ACRBP: variants seen among roughly 807,000 people sequenced by gnomAD.
The protein encoded by ACRBP is acrosin binding protein.
Under a neutral mutation model 69.0 loss-of-function variants are expected in ACRBP, and 52 were observed. The ratio of observed to expected loss-of-function variants is 0.75; its 90% CI spans 0.60 to 0.95. The LOEUF is 0.95. Among genes scored for constraint, ACRBP ranks in the 40% least tolerant of loss-of-function variants. The pLI, the probability that ACRBP is intolerant of heterozygous loss-of-function variation, is 0.00. For synonymous variants in ACRBP, 267 were observed against 258.9 expected (o/e 1.03, Z -0.30); for missense variants, 604 against 673.0 (o/e 0.90, Z 1.13).
intron 4 of ACRBP, 31 bp from the exon 5 acceptor site, chr12:6,644,636 G>A (rs1949075522): frequency 6.4e-7 from 1 of 1,573,678 alleles, no homozygotes; most frequent in Non-Finnish European, 8.6e-7. Flanking sequence ...AAGGGAGAGA[G>A]ACAGTCAGGC....
In ACRBP at chr12:6,644,539, T is replaced by C. The variant is rs113186788; in HGVS notation, c.542A>G (p.Gln181Arg). 2.2e-5 allele frequency: 36 copies of C among 1,614,078 alleles called. No individual in the cohort carries two copies. The African/African-American group carries it at 2.9e-4, about 13-fold the overall frequency. Residue 181 changes from glutamine (Q) to arginine (R), a missense_variant, in exon 5 of 10, where the codon CAA becomes CGA. This residue lies in a region of ACRBP where 532 missense variants were observed against 562.9 expected (regional missense o/e 0.95). Transcript: ENST00000229243. ...RLSNNVEELL[Q>R]SSLSLGGQEQ... ...CTGGCCTCCCAGGGACAAGGAGGAT[T>C]GTAGGAGCTCTTCCACGTTGTTGCT...
chr12:6,638,312 G>A lies in ACRBP; in HGVS notation c.1602C>T (p.Phe534=), dbSNP rs202127738. 3.7e-6 allele frequency: 6 copies of A among 1,614,156 alleles called. No individual in the cohort carries two copies. In the East Asian group the frequency reaches 1.1e-4, roughly 30 times the overall value. The part of the protein sequence containing the change: ...EDVVLRWSQE[F]STLTLGQFG Reference sequence around the variant, plus strand: ...CGAACTGGCCTAGAGTCAAGGTGCTGAACTCCTGGCTCCATCGAAGCACAA... The same window carrying A: ...CGAACTGGCCTAGAGTCAAGGTGCTAAACTCCTGGCTCCATCGAAGCACAA... Residue 534 remains phenylalanine, a synonymous_variant, in exon 10 of 10, where the codon TTC becomes TTT. Coordinates refer to ENST00000229243, the MANE Select transcript of ACRBP (RefSeq NM_032489.3).
intron 6 of ACRBP, among the ~76,000 whole-genome samples, chr12:6,643,126 A>G (rs1386242886): frequency 6.6e-6 from 1 of 152,098 alleles, no homozygotes; most frequent in Non-Finnish European, 1.5e-5. Context: ...ATGGTGACAC[A>G]TGCCTATAGT....
In ACRBP at chr12:6,640,575, T is replaced by A; in HGVS notation, c.1078-53A>T. On this transcript the variant is annotated intron_variant, in intron 6 of 9. Transcript: ENST00000229243. This position sits in a 1 kb window ranked among gnomAD's most constrained non-coding sequence, Gnocchi z 5.3. Reference sequence around the variant, plus strand: ...AGCTGAGAGTCAGCGGCCTGCCTTCTCCCATGCCTCAGCCCTCCAGGGTGG... The same window carrying A: ...AGCTGAGAGTCAGCGGCCTGCCTTCACCCATGCCTCAGCCCTCCAGGGTGG... 1 of 1,574,300 alleles carries A rather than the reference T, an allele frequency of 6.4e-7. No homozygotes were observed. Among genetic ancestry groups the A allele is most frequent in the South Asian group, 1.1e-5 (1 of 87,592 alleles).
Position 6,647,373 on chromosome 12 carries a change from A to G in ACRBP, c.-7T>C. 1 of 1,532,648 alleles carries G rather than the reference A, an allele frequency of 6.5e-7. No individual in the cohort carries two copies. Among genetic ancestry groups the G allele is most frequent in the Non-Finnish European group, 8.8e-7 (1 of 1,137,374 alleles). 94.9% of individuals were successfully genotyped at this position (1,532,648 alleles called of 1,614,324 possible). On this transcript the variant is annotated 5_prime_UTR_variant, in exon 1 of 10. Coordinates refer to ENST00000229243, the MANE Select transcript of ACRBP (RefSeq NM_032489.3). ...CAGCGGCTGGCTTCCTCATGGCCGG[A>G]GAAGATCCGCCCGCGTCCCGTGGAC...
Position 6,644,459 on chromosome 12 carries a change from T to C in ACRBP, c.622A>G (p.Thr208Ala), listed in dbSNP as rs567038756. The change falls in exon 5 of 10, where the codon ACA (threonine) becomes GCA (alanine). Residue 208 changes from threonine to alanine, a missense_variant. Around this residue, in one of 3 missense-constraint regions of ACRBP, gnomAD observed 532 missense variants for 562.9 expected, o/e 0.95. Transcript: ENST00000229243. ...EQGVEHRQEP[T>A]QEHKQEEGQK... ...CCCTCTTCCTGCTTGTGTTCTTGTG[T>C]CGGCTCCTGCCTGTGCTCCACTCCT... 1 of 1,614,034 alleles carries C rather than the reference T, an allele frequency of 6.2e-7. No individual in the cohort carries two copies. Among genetic ancestry groups the C allele is most frequent in the Admixed American group, 1.7e-5 (1 of 60,000 alleles).
At chr12:6,638,608 C>A in intron 9 of ACRBP, 1 of 1,240,182 alleles carries the variant, frequency 8.1e-7, no homozygotes, top group Non-Finnish European at 1.1e-6. Flanking sequence ...CAGAAACAGG[C>A]GGCTGAGGCT....
At chr12:6,642,450 C>T (rs1251951333) in intron 6 of ACRBP, among the ~76,000 whole-genome samples, 3 of 152,146 alleles carry the variant, frequency 2.0e-5, no homozygotes, top group African/African-American at 7.2e-5. Flanking sequence ...AGGGGACACC[C>T]AAATCTTTGG....
Position 6,638,304 on chromosome 12 carries a change from A to C in ACRBP, c.1610T>G (p.Leu537Trp), listed in dbSNP as rs1375443462. ...VLRWSQEFST[L>W]TLGQFG ...AGCTCATCCGAACTGGCCTAGAGTC[A>C]AGGTGCTGAACTCCTGGCTCCATCG... Residue 537 changes from leucine to tryptophan, a missense_variant, in exon 10 of 10, where the codon TTG becomes TGG. Leu to Trp is a moderately conservative substitution (Grantham distance 61). Around this residue, in one of 3 missense-constraint regions of ACRBP, gnomAD observed 51 missense variants for 60.1 expected, o/e 0.85. Transcript: ENST00000229243. 2 of 1,614,164 alleles carry C rather than the reference A, an allele frequency of 1.2e-6. No homozygotes were observed. Among genetic ancestry groups the C allele is most frequent in the African/African-American group, 1.3e-5 (1 of 75,046 alleles).
rs538373723 is a variant in ACRBP, at chr12:6,638,624, G to C, written c.1510-220C>G. The C allele has an allele frequency of 9.2e-4, 1,181 of 1,282,906 alleles. 13 individuals carry two copies. The highest frequency in any genetic ancestry group is 5.9e-4 in the South Asian group (38 of 63,976). 79.5% of individuals were successfully genotyped at this position (1,282,906 alleles called of 1,614,324 possible). On this transcript the variant is annotated intron_variant, in intron 9 of 9. Coordinates refer to ENST00000229243, the MANE Select transcript of ACRBP (RefSeq NM_032489.3). ...AGAAACAGGCGGCTGAGGCTCAGAGGGGGAAGTGCCTCATCCCAGGCTACT... is the reference window on the plus strand; with the variant it reads ...AGAAACAGGCGGCTGAGGCTCAGAGCGGGAAGTGCCTCATCCCAGGCTACT...
rs778945771 is a variant in ACRBP, at chr12:6,646,910, A to G, written c.146T>C (p.Leu49Pro). 1 of 1,614,166 alleles carries G rather than the reference A, an allele frequency of 6.2e-7. No individual in the cohort carries two copies. Among genetic ancestry groups the G allele is most frequent in the Admixed American group, 1.7e-5 (1 of 60,030 alleles). Residue 49 changes from leucine (L) to proline (P), a missense_variant, in exon 2 of 10, where the codon CTG (leucine) becomes CCG (proline). Leu to Pro is a moderately conservative substitution (Grantham distance 98). Transcript: ENST00000229243. ...CTCTGCCTTCCAGGTTGGAGTCAGC[A>G]GTGCGAAGAAGCGTTCGTATTCGGT... ...SPTEYERFFA[L>P]LTPTWKAETT...
In ACRBP at chr12:6,644,548, T is replaced by A; in HGVS notation, c.533A>T (p.Glu178Val). 1 of 1,614,048 alleles carries A rather than the reference T, an allele frequency of 6.2e-7. No individual in the cohort carries two copies. Among genetic ancestry groups the A allele is most frequent in the Non-Finnish European group, 8.5e-7 (1 of 1,179,994 alleles). The change falls in exon 5 of 10, where the codon GAG becomes GTG. Residue 178 changes from glutamate (E) to valine (V), a missense_variant. Physicochemically the swap from Glu to Val is moderately radical, Grantham distance 121 (BLOSUM62 -2). Coordinates refer to ENST00000229243, the MANE Select transcript of ACRBP (RefSeq NM_032489.3). ...WPERLSNNVE[E>V]LLQSSLSLGG... is the part of the protein sequence containing the mutation. ...CAGGGACAAGGAGGATTGTAGGAGC[T>A]CTTCCACGTTGTTGCTGAGCCTCTC...
intron 5 of ACRBP, 192 bp downstream of exon 5, chr12:6,643,945 A>G: frequency 4.2e-6 from 5 of 1,185,820 alleles, no homozygotes; most frequent in Non-Finnish European, 2.3e-6. Flanking sequence ...CAGGGCTTAC[A>G]TAGAGAATAA....
chr12:6,644,996 G>T (rs1949077727), intron 4 of ACRBP, among the ~76,000 whole-genome samples: 1 of 152,196 alleles, frequency 6.6e-6, no homozygotes, highest in African/African-American at 2.4e-5. Flanking sequence ...TGGGAAAAAT[G>T]GATTCAGGGC....
At chr12:6,644,681 C>T in intron 4 of ACRBP, 76 bp from the exon 5 acceptor site, 2 of 1,522,170 alleles carry the variant, frequency 1.3e-6, no homozygotes, top group South Asian at 2.6e-5. Flanking sequence ...CACAGAGGGA[C>T]ACACACATAA....
chr12:6,645,239 G>T lies in ACRBP; in HGVS notation c.456C>A (p.Pro152=), dbSNP rs1565392885. The T allele has an allele frequency of 1.9e-6, 3 of 1,613,298 alleles. No individual in the cohort carries two copies. The highest frequency in any genetic ancestry group is 2.5e-6 in the Non-Finnish European group (3 of 1,179,530). Residue 152 remains proline, a synonymous_variant, in exon 4 of 10, where the codon CCC becomes CCA. Coordinates refer to ENST00000229243, the MANE Select transcript of ACRBP (RefSeq NM_032489.3). ...TCTCACCTGTGAAGTGGGGTGAGAT[G>T]GGGGAGGTCATCGTGGTGGGTGAGA... ...AEVSPTTMTS[P]ISPHFTVTER...
chr12:6,647,162 G>C, intron 1 of ACRBP, 150 bp from the exon 2 acceptor site: 1 of 1,104,846 alleles, frequency 9.1e-7, no homozygotes, highest in Non-Finnish European at 1.3e-6. Context: ...AGAGGCAAAG[G>C]TCCGGCCGCG....
chr12:6,639,707 T>G lies in ACRBP; in HGVS notation c.1425+353A>C, dbSNP rs1464927760. 2.0e-5 allele frequency among the ~76,000 whole-genome samples: 3 copies of G among 152,314 alleles called. No individual in the cohort carries two copies. The South Asian group carries it at 6.2e-4, about 32-fold the overall frequency. ...GGCCGGGAAGTCCTGGATCACAGGG[T>G]TGGGCAGTGGTGCACGTGTCACTCA... On this transcript the variant is annotated intron_variant, in intron 8 of 9. Transcript: ENST00000229243.
intron 6 of ACRBP, among the ~76,000 whole-genome samples, chr12:6,642,967 C>T (rs760810841): frequency 2.6e-5 from 4 of 152,036 alleles, no homozygotes; most frequent in Admixed American, 2.0e-4. Flanking sequence ...AGAGTTGACT[C>T]AAGGCTGGGC....
Sources: allele counts gnomAD v4.1 joint callset (sites outside exome capture counted in the v4.1 genomes callset), GRCh38; gene constraint gnomAD v4.1.1; regional missense constraint gnomAD v4.1.1; non-coding constraint Gnocchi (gnomAD v3.1); transcripts MANE v1.5; gene names NCBI Gene and HGNC (gene_info 2026-07-23, HGNC 2026-07-21).